FN1: variants seen among roughly 807,000 people sequenced by gnomAD.
FN1 encodes the protein fibronectin 1, also known as fibronectin.
A neutral mutation model predicts 297.3 loss-of-function variants in FN1; 106 were observed. The observed-to-expected ratio is 0.36, with a 90% CI of 0.30 to 0.42. FN1 has a LOEUF of 0.42. Among genes scored for constraint, FN1 ranks in the 10% least tolerant of loss-of-function variants. FN1 has a pLI of 1.00. For synonymous variants in FN1, 1,149 were observed against 1,152.6 expected (o/e 1.00, Z 0.06); for missense variants, 2,690 against 3,124.9 (o/e 0.86, Z 3.32).
At position 215,407,167 on chromosome 2, in the gene FN1, A is replaced by T. The variant is rs768441782; in HGVS notation, c.2673T>A (p.Pro891=). 1 of 1,614,188 alleles carries T rather than the reference A, an allele frequency of 6.2e-7. No homozygotes were observed. Among genetic ancestry groups the T allele is most frequent in the African/African-American group, 1.3e-5 (1 of 75,070 alleles). ...CAGTGGTTTCTTGTTGAATGACAAC[A>T]GGTGTACTTTCTTGATTTTCTTCCA... is the stretch of plus-strand genomic sequence containing the variant. ...YAVEENQEST[P]VVIQQETTGT... is the part of the protein sequence containing the mutation. The change falls in exon 18 of 46, where the codon CCT becomes CCA. Residue 891 remains proline, a synonymous_variant. Transcript: ENST00000354785.
chr2:215,377,714 T>C (rs530391807), intron 35 of FN1, among the ~76,000 whole-genome samples: 7 of 140,790 alleles, frequency 5.0e-5, no homozygotes, highest in Admixed American at 4.5e-4. Context: ...TGTTAAGATA[T>C]AGCAGAAGCC....
rs766347470 is a variant in FN1, at chr2:215,425,289, A to C, written c.845-4T>G. Reference sequence around the variant, plus strand: ...ACATCGGTGAAGGGGCCAGATCCTAATGGCATGAAAAGGGAATGTCACAAA... The same window carrying C: ...ACATCGGTGAAGGGGCCAGATCCTACTGGCATGAAAAGGGAATGTCACAAA... On this transcript the variant is annotated splice_region_variant and splice_polypyrimidine_tract_variant and intron_variant, in intron 6 of 45. Transcript: ENST00000354785. 1 of 1,613,892 alleles carries C rather than the reference A, an allele frequency of 6.2e-7. No homozygotes were observed. The highest frequency in any genetic ancestry group is 8.5e-7 in the Non-Finnish European group (1 of 1,179,980).
In FN1 at chr2:215,361,315, G is replaced by C. The variant is rs1188899755; in HGVS notation, c.*240C>G. On this transcript the variant is annotated 3_prime_UTR_variant, in exon 46 of 46. Coordinates refer to ENST00000354785, the MANE Select transcript of FN1 (RefSeq NM_212482.4). Reference sequence around the variant, plus strand: ...ATCACTTCATTTAAAATACTGAGCGGTATTGAATACTTCGAAGCAGAACAG... The same window carrying C: ...ATCACTTCATTTAAAATACTGAGCGCTATTGAATACTTCGAAGCAGAACAG... 9 of 529,938 alleles carry C rather than the reference G, an allele frequency of 1.7e-5. No individual in the cohort carries two copies. Among genetic ancestry groups the C allele is most frequent in the Non-Finnish European group, 3.1e-5 (9 of 293,934 alleles). The allele number at this position is 529,938 out of a possible 1,614,324, so 32.8% of individuals were successfully genotyped here. A position where few individuals can be genotyped will look rare whatever the true frequency, so the allele number is the denominator to read the frequency against.
rs765224316 is a variant in FN1 at position 215,384,187 on chromosome 2, GTA to G, written c.4730-5_4730-4del. On this transcript the variant is annotated splice_polypyrimidine_tract_variant and splice_region_variant and intron_variant, in intron 29 of 45. Transcript: ENST00000354785. ...CTCCTGGACAGGGCTATTTCCTCCT[GTA>G]TGAAAAAGGGTTAGTTCAGAGTGTG... 1.9e-6 allele frequency: 3 copies of G among 1,614,042 alleles called. No homozygotes were observed. Among genetic ancestry groups the G allele is most frequent in the Non-Finnish European group, 1.7e-6 (2 of 1,179,950 alleles).
At chr2:215,401,552 A>T (rs2061174593) in intron 20 of FN1, among the ~76,000 whole-genome samples, 2 of 152,142 alleles carry the variant, frequency 1.3e-5, no homozygotes, top group Non-Finnish European at 2.9e-5. Context: ...CTCTCTTTAC[A>T]TCTCAATCAA....
At chr2:215,387,614 A>G (rs1269481749) in intron 27 of FN1, among the ~76,000 whole-genome samples, 4 of 152,242 alleles carry the variant, frequency 2.6e-5, no homozygotes, top group Admixed American at 2.6e-4. Context: ...GACTTCCAGC[A>G]AATTTCTGTT....
Position 215,394,859 on chromosome 2 carries a change from A to G in FN1, c.3605-140T>C, listed in dbSNP as rs1278417267. On this transcript the variant is annotated intron_variant, in intron 23 of 45. Transcript: ENST00000354785. ...AGGACTCCACTGTCACTGTTATTCA[A>G]TGCTTGCAACAATCCTTTCAGGCAG... The G allele has an allele frequency of 5.7e-6, 4 of 698,696 alleles. No individual in the cohort carries two copies. The East Asian group carries it at 7.9e-5, about 14-fold the overall frequency. The allele number at this position is 698,696 out of a possible 1,614,324, so 43.3% of individuals were successfully genotyped here.
At position 215,408,090 on chromosome 2, in the gene FN1, G is replaced by A. The variant is rs530442706; in HGVS notation, c.2518+18C>T. The stretch of plus-strand genomic sequence containing the variant: ...TTAAGATTAACATAGCAGCCAAAGA[G>A]GGGGACGCTTAGCTGACCTGTGATG... On this transcript the variant is annotated intron_variant, in intron 17 of 45. Transcript: ENST00000354785. 9 of 1,598,558 alleles carry A rather than the reference G, an allele frequency of 5.6e-6. No homozygotes were observed. The highest frequency in any genetic ancestry group is 1.7e-4 in the Middle Eastern group (1 of 6,030).
chr2:215,375,905 G>C (rs1261399244), intron 36 of FN1, among the ~76,000 whole-genome samples, 187 bp from the exon 37 acceptor site: 1 of 152,284 alleles, frequency 6.6e-6, no homozygotes, highest in East Asian at 1.9e-4. Flanking sequence ...AACATATCTC[G>C]AAAGTGAATC....
intron 20 of FN1, among the ~76,000 whole-genome samples, chr2:215,404,004 C>T (rs759014714): frequency 8.5e-5 from 13 of 152,108 alleles, no homozygotes; most frequent in South Asian, 2.1e-4. Flanking sequence ...TTAATGTAAT[C>T]GAATTTAATT....
intron 8 of FN1, 107 bp downstream of exon 8, chr2:215,424,039 A>AG (rs2064913050): frequency 8.9e-7 from 1 of 1,129,890 alleles, no homozygotes; most frequent in Admixed American, 1.7e-5. Context: ...AACAAAAGCG[A>AG]TGCTTCTTGG....
At chr2:215,399,948 G>A (rs993913872) in intron 20 of FN1, among the ~76,000 whole-genome samples, 4 of 152,154 alleles carry the variant, frequency 2.6e-5, no homozygotes, top group African/African-American at 9.7e-5. Flanking sequence ...AGCACTTTGG[G>A]AAGCCGAGGT....
chr2:215,427,337 G>A (rs977912304), intron 6 of FN1, among the ~76,000 whole-genome samples: 1 of 152,082 alleles, frequency 6.6e-6, no homozygotes, highest in Non-Finnish European at 1.5e-5. Flanking sequence ...TTTAATTGAA[G>A]GATGGCTGAG....
chr2:215,414,442 T>C (rs1240763851), intron 13 of FN1, among the ~76,000 whole-genome samples: 2 of 152,200 alleles, frequency 1.3e-5, no homozygotes, highest in Non-Finnish European at 2.9e-5. Context: ...GCTTTTTTTT[T>C]CAAATTATGA....
chr2:215,389,947 A>T (rs1173657550), intron 26 of FN1, among the ~76,000 whole-genome samples: 1 of 152,196 alleles, frequency 6.6e-6, no homozygotes, highest in Non-Finnish European at 1.5e-5. Flanking sequence ...AATATATGGT[A>T]AATATTTGTA....
chr2:215,427,788 A>G (rs2065750437), intron 6 of FN1, among the ~76,000 whole-genome samples: 1 of 152,196 alleles, frequency 6.6e-6, no homozygotes, highest in Non-Finnish European at 1.5e-5. Flanking sequence ...TAGCAGAAGA[A>G]CCAGGTAGTC....
In FN1 at chr2:215,361,356, C is replaced by A. The variant is rs1434979797; in HGVS notation, c.*199G>T. 1.6e-6 allele frequency: 1 copy of A among 632,020 alleles called. No homozygotes were observed. Among genetic ancestry groups the A allele is most frequent in the African/African-American group, 1.8e-5 (1 of 54,786 alleles). The allele number at this position is 632,020 out of a possible 1,614,324, so 39.2% of individuals were successfully genotyped here. On this transcript the variant is annotated 3_prime_UTR_variant, in exon 46 of 46. Transcript: ENST00000354785. ...AGCAGAACAGGCAATGTGCAGCCCT[C>A]ATTTATGAGAAAACCCTCAGGAAAC...
chr2:215,375,787 G>A, intron 36 of FN1, 69 bp from the exon 37 acceptor site: 1 of 1,032,072 alleles, frequency 9.7e-7, no homozygotes, highest in South Asian at 1.3e-5. Flanking sequence ...AAGCTAGCCT[G>A]CAATTTTTCT....
chr2:215,430,416 C>T (rs1028532125), intron 5 of FN1, among the ~76,000 whole-genome samples: 6 of 152,108 alleles, frequency 3.9e-5, no homozygotes, highest in Admixed American at 3.9e-4. Flanking sequence ...TCAATTTAGC[C>T]TGTGAATGTG....
Sources: gnomAD v4.1 joint callset for allele counts (sites outside exome capture counted in the v4.1 genomes callset) on GRCh38, gnomAD v4.1.1 for gene constraint, MANE v1.5 for transcripts, NCBI Gene and HGNC (gene_info 2026-07-23, HGNC 2026-07-21) for gene names.